CALCRL: variants seen among roughly 807,000 people sequenced by gnomAD.
CALCRL encodes the protein calcitonin gene-related peptide type 1 receptor.
In CALCRL, 27 loss-of-function variants were observed where a neutral mutation model predicts 60.4. That is an observed-to-expected ratio of 0.45 (90% CI 0.33 to 0.62). The LOEUF (loss-of-function observed/expected upper bound fraction) is 0.62, where lower values mean the gene tolerates loss of function less well. Ranked by LOEUF, CALCRL falls within the 20% of genes least tolerant of loss-of-function variation. The probability of loss-of-function intolerance (pLI) is 0.03; values close to 1 mark genes in which losing one functional copy is unlikely to be tolerated. For synonymous variants in CALCRL, 190 were observed against 182.6 expected, an observed-to-expected ratio of 1.04 and a Z score of -0.33; for missense variants, 424 against 540.7, an observed-to-expected ratio of 0.78 and a Z score of 2.14.
intron 1 of CALCRL, among the ~76,000 whole-genome samples, chr2:187,405,054 A>C (rs1416004249): frequency 6.6e-6 from 1 of 151,946 alleles, no homozygotes; most frequent in Non-Finnish European, 1.5e-5. Flanking sequence ...TGTAAGCTTT[A>C]CCTTCTGTAG....
intron 12 of CALCRL, among the ~76,000 whole-genome samples, chr2:187,354,685 G>A (rs1199878765): frequency 6.6e-6 from 1 of 151,926 alleles, no homozygotes; most frequent in Non-Finnish European, 1.5e-5. Flanking sequence ...CAACAAGATG[G>A]GAAAGTTTTA....
intron 1 of CALCRL, among the ~76,000 whole-genome samples, chr2:187,394,010 T>C (rs1012887867): frequency 6.6e-6 from 1 of 152,106 alleles, no homozygotes; most frequent in Non-Finnish European, 1.5e-5. Context: ...AATAGAATGA[T>C]TGACCTAGGT....
intron 8 of CALCRL, among the ~76,000 whole-genome samples, chr2:187,367,913 C>A (rs941091827): frequency 2.0e-5 from 3 of 151,992 alleles, no homozygotes; most frequent in African/African-American, 7.2e-5. Flanking sequence ...GTTACAGAGG[C>A]AGTTGATGTT....
chr2:187,402,001 A>C (rs547305213), intron 1 of CALCRL, among the ~76,000 whole-genome samples: 1 of 151,526 alleles, frequency 6.6e-6, no homozygotes, highest in Non-Finnish European at 1.5e-5. Flanking sequence ...GGAAAGAAGG[A>C]AGGAAGGCAG....
At chr2:187,409,038 C>T (rs1689249927) in intron 1 of CALCRL, among the ~76,000 whole-genome samples, 1 of 152,130 alleles carries the variant, frequency 6.6e-6, no homozygotes, top group Non-Finnish European at 1.5e-5. Flanking sequence ...TGAAGTCTTT[C>T]CTTCTTCTTC....
In CALCRL at chr2:187,362,097, A is replaced by G. The variant is rs970553518; in HGVS notation, c.627+1279T>C. ...TTTCATTAAAAAAGTTAATCGATAA[A>G]CCATTACAATAAAAAAGAATTAAGA... is the stretch of plus-strand genomic sequence containing the variant. On this transcript the variant is annotated intron_variant, in intron 9 of 14. Coordinates refer to ENST00000392370, the MANE Select transcript of CALCRL (RefSeq NM_005795.6). 6.6e-5 allele frequency among the ~76,000 whole-genome samples: 10 copies of G among 152,034 alleles called. No homozygotes were observed. The East Asian group carries it at 1.7e-3, about 26-fold the overall frequency.
At chr2:187,393,013 C>T (rs576648055) in intron 1 of CALCRL, among the ~76,000 whole-genome samples, 9 of 152,070 alleles carry the variant, frequency 5.9e-5, no homozygotes, top group Non-Finnish European at 8.8e-5. Context: ...AGACATGTTA[C>T]GGATATAAGA....
At chr2:187,381,976 C>T (rs1688003371) in intron 5 of CALCRL, among the ~76,000 whole-genome samples, 1 of 152,030 alleles carries the variant, frequency 6.6e-6, no homozygotes, top group Non-Finnish European at 1.5e-5. Context: ...ATTTTTTGGA[C>T]AATTATTTAA....
intron 1 of CALCRL, among the ~76,000 whole-genome samples, chr2:187,394,618 G>A (rs1688585815): frequency 6.6e-6 from 1 of 152,020 alleles, no homozygotes; most frequent in Admixed American, 6.6e-5. Context: ...TTAGCTAGAA[G>A]TGTTTCTTCT....
intron 1 of CALCRL, among the ~76,000 whole-genome samples, chr2:187,418,228 T>C (rs1417802378): frequency 6.6e-6 from 1 of 152,168 alleles, no homozygotes; most frequent in Non-Finnish European, 1.5e-5. Context: ...ATTGTGTATA[T>C]CATTCTCTGC....
intron 1 of CALCRL, among the ~76,000 whole-genome samples, chr2:187,437,403 G>A (rs1205348624): frequency 1.3e-5 from 2 of 152,060 alleles, no homozygotes. Flanking sequence ...TTAGCCGGGC[G>A]TGATGGCGGC....
At chr2:187,415,855 C>G (rs10197493) in intron 1 of CALCRL, 337,481 of 337,628 alleles carry the variant, frequency 1, 168,667 homozygotes, top group Middle Eastern at 1. Flanking sequence ...AAGACCCCTG[C>G]ACCACCAGCC....
At chr2:187,398,144 T>G (rs773445230) in intron 1 of CALCRL, among the ~76,000 whole-genome samples, 1 of 151,654 alleles carries the variant, frequency 6.6e-6, no homozygotes, top group Non-Finnish European at 1.5e-5. Context: ...AAATGCTTTG[T>G]ACTTGATGGA....
intron 1 of CALCRL, chr2:187,436,775 C>T (rs1690662498): frequency 6.6e-6 from 1 of 152,142 alleles, no homozygotes; most frequent in African/African-American, 2.4e-5. Flanking sequence ...TATAATCTAA[C>T]AAATTATATA....
chr2:187,383,145 G>T, intron 5 of CALCRL, 28 bp downstream of exon 5: 1 of 1,598,002 alleles, frequency 6.3e-7, no homozygotes, highest in Non-Finnish European at 8.5e-7. Flanking sequence ...TATGTCAAAT[G>T]CATTTACAAC....
intron 1 of CALCRL, among the ~76,000 whole-genome samples, chr2:187,440,384 T>C (rs777608028): frequency 3.0e-4 from 45 of 152,136 alleles, no homozygotes; most frequent in Non-Finnish European, 2.5e-4. Flanking sequence ...ACATCTAACA[T>C]CTTTTATTTC....
chr2:187,402,406 G>A (rs771703485), intron 1 of CALCRL, among the ~76,000 whole-genome samples: 4 of 150,462 alleles, frequency 2.7e-5, no homozygotes, highest in Non-Finnish European at 5.9e-5. Flanking sequence ...TTACATGGAG[G>A]AAGTATGTTT....
chr2:187,359,727 GAA>G (rs1208404865), intron 10 of CALCRL, among the ~76,000 whole-genome samples: 1 of 151,908 alleles, frequency 6.6e-6, no homozygotes, highest in Non-Finnish European at 1.5e-5. Context: ...AAGAGAAGAA[GAA>G]AAAAAGTGAT....
chr2:187,404,757 T>G (rs1689042606), intron 1 of CALCRL, among the ~76,000 whole-genome samples: 1 of 151,600 alleles, frequency 6.6e-6, no homozygotes, highest in South Asian at 2.1e-4. Flanking sequence ...TGATGGACAC[T>G]GGTGGAGGCT....
Sources: gnomAD v4.1 joint callset for allele counts (sites outside exome capture counted in the v4.1 genomes callset) on GRCh38, gnomAD v4.1.1 for gene constraint, MANE v1.5 for transcripts, NCBI Gene and HGNC (gene_info 2026-07-23, HGNC 2026-07-21) for gene names.